The following DGLUCY variants were observed in gnomAD, a reference collection of about 807,000 sequenced individuals.
The protein encoded by DGLUCY is D-glutamate cyclase, also known as D-glutamate cyclase, mitochondrial.
A neutral mutation model predicts 58.5 loss-of-function variants in DGLUCY; 58 were observed. The observed-to-expected ratio is 0.99, with a 90% CI of 0.80 to 1.23. DGLUCY has a LOEUF of 1.23. DGLUCY is among the 50% of genes most tolerant of loss of function. The pLI, the probability that DGLUCY is intolerant of heterozygous loss-of-function variation, is 0.00. For missense variants in DGLUCY, 779 were observed against 784.7 expected (o/e 0.99, Z 0.09); for synonymous variants, 325 against 314.1 (o/e 1.03, Z -0.37).
At chr14:91,222,430 C>T (rs1213720100) in intron 13 of DGLUCY, among the ~76,000 whole-genome samples, 1 of 152,106 alleles carries the variant, frequency 6.6e-6, no homozygotes, top group Non-Finnish European at 1.5e-5. Context: ...GAGGATATGA[C>T]CAGTGGAGAA....
At chr14:91,103,770 CAT>C (rs1011133859), upstream of DGLUCY, among the ~76,000 whole-genome samples, 1 of 151,966 alleles carries the variant, frequency 6.6e-6, no homozygotes, top group African/African-American at 2.4e-5. Flanking sequence ...TATCTCTTAT[CAT>C]ATATATAAAC....
At chr14:91,080,888 C>T (rs914818077) in intron 1 of DGLUCY, among the ~76,000 whole-genome samples, 3 of 152,120 alleles carry the variant, frequency 2.0e-5, no homozygotes, top group Non-Finnish European at 4.4e-5. Flanking sequence ...AGAAAAAGAG[C>T]TCCTCTTCAT....
chr14:91,085,844 C>T lies in DGLUCY; in HGVS notation c.-82+25140C>T, dbSNP rs566225011. The stretch of plus-strand genomic sequence containing the variant: ...TTAGCCTCCCAAAGTGCTGGGATTA[C>T]AGGCATGAGCCACCATGCCTGGCCC... On this transcript the variant is annotated intron_variant, in intron 1 of 4. Transcript: ENST00000521334. Among the ~76,000 whole-genome samples the T allele has an allele frequency of 3.3e-5, 5 of 152,324 alleles. No homozygotes were observed. The East Asian group carries it at 9.7e-4, about 29-fold the overall frequency.
intron 9 of DGLUCY, among the ~76,000 whole-genome samples, chr14:91,195,340 G>T (rs905245041): frequency 6.6e-6 from 1 of 152,194 alleles, no homozygotes; most frequent in African/African-American, 2.4e-5. Flanking sequence ...TGGGATTTTT[G>T]TGTATTTCCC....
chr14:91,171,792 C>T (rs760313867), intron 5 of DGLUCY, among the ~76,000 whole-genome samples: 4 of 152,310 alleles, frequency 2.6e-5, no homozygotes, highest in South Asian at 2.1e-4. Flanking sequence ...CAGATCAAAC[C>T]GGGCAACATC....
At chr14:91,068,088 C>CAT (rs1555387702) in intron 1 of DGLUCY, among the ~76,000 whole-genome samples, 1 of 138,688 alleles carries the variant, frequency 7.2e-6, no homozygotes, top group African/African-American at 3.4e-5. Context: ...CGCACACACA[C>CAT]ACACACACAC....
At chr14:91,117,953 C>G (rs377748966) in intron 1 of DGLUCY, among the ~76,000 whole-genome samples, 1 of 151,896 alleles carries the variant, frequency 6.6e-6, no homozygotes, top group African/African-American at 2.4e-5. Flanking sequence ...TTGAAGTTAG[C>G]AGGAAGAAAT....
intron 12 of DGLUCY, among the ~76,000 whole-genome samples, chr14:91,214,222 T>C (rs1886166408): frequency 1.3e-5 from 2 of 152,152 alleles, no homozygotes; most frequent in Admixed American, 1.3e-4. Flanking sequence ...TAGTGGCCCG[T>C]GGCTGGCCGT....
chr14:91,087,496 T>C (rs2044242621), intron 1 of DGLUCY, among the ~76,000 whole-genome samples: 1 of 152,262 alleles, frequency 6.6e-6, no homozygotes, highest in Non-Finnish European at 1.5e-5. Flanking sequence ...TGTTCTTAGC[T>C]CCTACAATTT....
At chr14:91,122,343 G>A (rs1429302851) in intron 1 of DGLUCY, among the ~76,000 whole-genome samples, 1 of 151,800 alleles carries the variant, frequency 6.6e-6, no homozygotes, top group Non-Finnish European at 1.5e-5. Flanking sequence ...TGTAGAGATG[G>A]GGTTCCACTG....
chr14:91,191,304 G>A (rs1283715988), intron 9 of DGLUCY, among the ~76,000 whole-genome samples: 1 of 152,192 alleles, frequency 6.6e-6, no homozygotes, highest in East Asian at 1.9e-4. Context: ...GAGGAGAGGG[G>A]AATGGGGAGA....
chr14:91,156,503 T>A (rs1239260707), intron 1 of DGLUCY, among the ~76,000 whole-genome samples: 1 of 152,212 alleles, frequency 6.6e-6, no homozygotes, highest in Non-Finnish European at 1.5e-5. Context: ...TAGGATTGGA[T>A]TGCTTGGGTA....
intron 12 of DGLUCY, among the ~76,000 whole-genome samples, chr14:91,205,349 T>C (rs10145858): frequency 1 from 151,616 of 152,258 alleles, 75,494 homozygotes; most frequent in Non-Finnish European, 1. Context: ...TGTGCCTCCC[T>C]ACTGTTGCTC....
intron 13 of DGLUCY, among the ~76,000 whole-genome samples, chr14:91,217,912 G>T (rs895885862): frequency 6.6e-6 from 1 of 151,968 alleles, no homozygotes; most frequent in African/African-American, 2.4e-5. Flanking sequence ...TTTCTCTCCA[G>T]CACCTGCCTG....
At chr14:91,171,405 A>C (rs1443800632) in intron 5 of DGLUCY, among the ~76,000 whole-genome samples, 1 of 152,228 alleles carries the variant, frequency 6.6e-6, no homozygotes, top group African/African-American at 2.4e-5. Flanking sequence ...CCCGATGCTT[A>C]TCAAATAGCT....
At chr14:91,211,374 C>A (rs1383389956) in intron 12 of DGLUCY, among the ~76,000 whole-genome samples, 2 of 152,120 alleles carry the variant, frequency 1.3e-5, no homozygotes, top group African/African-American at 4.8e-5. Flanking sequence ...GAATAACAAA[C>A]TGAATATTGA....
At chr14:91,117,964 G>A (rs960115562) in intron 1 of DGLUCY, among the ~76,000 whole-genome samples, 12 of 151,916 alleles carry the variant, frequency 7.9e-5, no homozygotes, top group African/African-American at 2.9e-4. Flanking sequence ...AGGAAGAAAT[G>A]CTTGGATTCA....
intron 1 of DGLUCY, among the ~76,000 whole-genome samples, chr14:91,143,703 G>T (rs1420128949): frequency 6.6e-6 from 1 of 152,182 alleles, no homozygotes; most frequent in Non-Finnish European, 1.5e-5. Context: ...CAATATACCT[G>T]TGAGGGCCCA....
At chr14:91,207,808 G>A (rs8007349) in intron 12 of DGLUCY, among the ~76,000 whole-genome samples, 28,239 of 151,622 alleles carry the variant, frequency 0.19, 3,329 homozygotes, top group African/African-American at 0.32. Context: ...GTGCAATGGC[G>A]CAATCTCGGC....
Sources: gnomAD v4.1 joint callset for allele counts (sites outside exome capture counted in the v4.1 genomes callset) on GRCh38, gnomAD v4.1.1 for gene constraint, MANE v1.5 for transcripts, NCBI Gene and HGNC (gene_info 2026-07-23, HGNC 2026-07-21) for gene names.